The following DNAH1 variants were observed in gnomAD, a reference collection of about 807,000 sequenced individuals.
The protein encoded by DNAH1 is axonemal beta dynein heavy chain 1.
A neutral mutation model predicts 484.3 loss-of-function variants in DNAH1; 327 were observed. The observed-to-expected ratio is 0.68, with a 90% CI of 0.62 to 0.74. The LOEUF is 0.74. DNAH1 is among the 30% of genes least tolerant of loss of function. The pLI, the probability that DNAH1 is intolerant of heterozygous loss-of-function variation, is 0.00. For missense variants in DNAH1, 5,052 were observed against 5,546.8 expected (o/e 0.91, Z 2.83); for synonymous variants, 2,192 against 2,191.9 (o/e 1.00, Z 0.00).
intron 48 of DNAH1, among the ~76,000 whole-genome samples, chr3:52,380,505 C>G (rs1300529313): frequency 6.6e-6 from 1 of 152,178 alleles, no homozygotes; most frequent in Non-Finnish European, 1.5e-5. Context: ...AAGCAGGCCT[C>G]CTGACAGTTT....
Position 52,399,685 on chromosome 3 carries a change from G to A in DNAH1, c.12582G>A (p.Glu4194=). 1 of 1,614,044 alleles carries A rather than the reference G, an allele frequency of 6.2e-7. No individual in the cohort carries two copies. Among genetic ancestry groups the A allele is most frequent in the East Asian group, 2.2e-5 (1 of 44,892 alleles). ...AESQPKELYT[E]MAVIWLLPTP... is the part of the protein sequence containing the mutation. ...CTCAGCCCAAGGAGCTGTACACAGA[G>A]ATGGCCGTTATCTGGCTCTTGCCAA... The change falls in exon 77 of 78, where the codon GAG becomes GAA. Residue 4194 remains glutamate, a synonymous_variant. Coordinates refer to ENST00000420323, the MANE Select transcript of DNAH1 (RefSeq NM_015512.5).
Position 52,364,850 on chromosome 3 carries a change from G to T in DNAH1, c.5349G>T (p.Arg1783=). Residue 1783 remains arginine (R), a synonymous_variant, in exon 34 of 78, where the codon CGG becomes CGT. Coordinates refer to ENST00000420323, the MANE Select transcript of DNAH1 (RefSeq NM_015512.5). The surrounding 1 kb of genome is among the most constrained non-coding windows in gnomAD (Gnocchi z 4.2). ...PSMNEELICL[R]AIRDVNVPKF... ...TGCTGCAGGAGCTGATCTGCCTCCGGGCCATCCGTGATGTGAACGTGCCCA... is the reference window on the plus strand; with the variant it reads ...TGCTGCAGGAGCTGATCTGCCTCCGTGCCATCCGTGATGTGAACGTGCCCA... 2.5e-6 allele frequency: 4 copies of T among 1,613,792 alleles called. No individual in the cohort carries two copies. Among genetic ancestry groups the T allele is most frequent in the South Asian group, 1.1e-5 (1 of 91,076 alleles).
rs941445282 is a variant in DNAH1 at position 52,364,292 on chromosome 3, C to G, written c.5245-346C>G. On this transcript the variant is annotated intron_variant, in intron 32 of 77. Transcript: ENST00000420323. The surrounding 1 kb of genome is among the most constrained non-coding windows in gnomAD (Gnocchi z 4.2). The stretch of plus-strand genomic sequence containing the variant: ...AAGGAAGCTCAAGGGCCATCAAGGC[C>G]AAGCTGATTGTTGCACAGATGGGAA... Among the ~76,000 whole-genome samples the G allele has an allele frequency of 6.6e-6, 1 of 152,220 alleles. No homozygotes were observed. The highest frequency in any genetic ancestry group is 2.4e-5 in the African/African-American group (1 of 41,454).
At chr3:52,333,182 G>A (rs1176604302) in intron 8 of DNAH1, among the ~76,000 whole-genome samples, 3 of 152,108 alleles carry the variant, frequency 2.0e-5, no homozygotes, top group Admixed American at 1.3e-4. Flanking sequence ...CATCATGCCC[G>A]GCTGGAAGTT....
In DNAH1 at chr3:52,333,608, G is replaced by C. The variant is rs140389809; in HGVS notation, c.1286+1214G>C. Among the ~76,000 whole-genome samples the C allele has an allele frequency of 5.5e-4, 84 of 152,060 alleles. 1 individual carries two copies. In the East Asian group the frequency reaches 0.015, roughly 28 times the overall value. On this transcript the variant is annotated intron_variant, in intron 8 of 77. Transcript: ENST00000420323. ...TCACCATTTTGGCCAAGCTGGTCTC[G>C]AGCTCCCGACCTCAGGTAATCCACT... is the stretch of plus-strand genomic sequence containing the variant.
intron 20 of DNAH1, among the ~76,000 whole-genome samples, chr3:52,354,022 C>T (rs1702506160): frequency 6.6e-6 from 1 of 151,914 alleles, no homozygotes; most frequent in Non-Finnish European, 1.5e-5. Context: ...GGGAGACCCC[C>T]ATCTCTACAA....
Position 52,368,399 on chromosome 3 carries a change from C to G in DNAH1, c.5766-342C>G, listed in dbSNP as rs1703173294. ...CAGGACCTGGCCACTTCTCACCACG[C>G]TGCTTTCTCTGCCCTGTCATTTACC... is the stretch of plus-strand genomic sequence containing the variant. On this transcript the variant is annotated intron_variant, in intron 36 of 77. Coordinates refer to ENST00000420323, the MANE Select transcript of DNAH1 (RefSeq NM_015512.5). This position sits in a 1 kb window ranked among gnomAD's most constrained non-coding sequence, Gnocchi z 4.4. Among the ~76,000 whole-genome samples, 2 of 152,160 alleles carry G rather than the reference C, an allele frequency of 1.3e-5. No homozygotes were observed. Among genetic ancestry groups the G allele is most frequent in the Admixed American group, 1.3e-4 (2 of 15,272 alleles).
chr3:52,379,409 G>C lies in DNAH1; in HGVS notation c.7378-496G>C, dbSNP rs1466543310. Among the ~76,000 whole-genome samples the C allele has an allele frequency of 2.0e-5, 3 of 152,148 alleles. No homozygotes were observed. In the East Asian group the frequency reaches 5.8e-4, roughly 29 times the overall value. On this transcript the variant is annotated intron_variant, in intron 47 of 77. Coordinates refer to ENST00000420323, the MANE Select transcript of DNAH1 (RefSeq NM_015512.5). The surrounding 1 kb of genome is among the most constrained non-coding windows in gnomAD (Gnocchi z 4.4). ...CTGGGAGCTTCCGGAGGGCAGTCCT[G>C]CCACCCAGGGAGATGCAGGGAAGCT...
chr3:52,389,430 TG>T lies in DNAH1; in HGVS notation c.9496-27del, dbSNP rs34649791. On this transcript the variant is annotated intron_variant, in intron 59 of 77. Coordinates refer to ENST00000420323, the MANE Select transcript of DNAH1 (RefSeq NM_015512.5). ...TGGGAGGTCTCTGTGAGTGTCATGGTGGGGTGGTCCTGAGTCTGGCATCTCC... is the reference window on the plus strand; with the variant it reads ...TGGGAGGTCTCTGTGAGTGTCATGGTGGGTGGTCCTGAGTCTGGCATCTCC... The T allele has an allele frequency of 1.4e-5, 22 of 1,610,520 alleles. No individual in the cohort carries two copies. In the South Asian group the frequency reaches 1.7e-4, roughly 12 times the overall value.
intron 70 of DNAH1, 108 bp from the exon 71 acceptor site, chr3:52,396,260 G>C: frequency 3.2e-6 from 4 of 1,264,236 alleles, no homozygotes; most frequent in Non-Finnish European, 4.3e-6. Flanking sequence ...CCAGTTGTCT[G>C]TGCAGCCTCG....
At position 52,394,502 on chromosome 3, in the gene DNAH1, C is replaced by T. The variant is rs369548008; in HGVS notation, c.10664C>T (p.Ser3555Leu). 27 of 1,613,872 alleles carry T rather than the reference C, an allele frequency of 1.7e-5. No individual in the cohort carries two copies. The highest frequency in any genetic ancestry group is 4.0e-5 in the African/African-American group (3 of 74,930). The change falls in exon 67 of 78, where the codon TCG (serine) becomes TTG (leucine). Residue 3555 changes from serine to leucine, a missense_variant. By Grantham distance (145) the Ser-to-Leu change is moderately radical. Coordinates refer to ENST00000420323, the MANE Select transcript of DNAH1 (RefSeq NM_015512.5). ...TACCTCCTGTCTGGGGGCTCCATCT[C>T]GATCATGACTGAGAATCCGGCACCG... The part of the protein sequence containing the change: ...WRYLLSGGSI[S>L]IMTENPAPDW...
Position 52,382,372 on chromosome 3 carries a change from G to A in DNAH1, c.7858G>A (p.Glu2620Lys), listed in dbSNP as rs747582274. 49 of 1,613,884 alleles carry A rather than the reference G, an allele frequency of 3.0e-5. No individual in the cohort carries two copies. The highest frequency in any genetic ancestry group is 3.8e-5 in the Non-Finnish European group (45 of 1,179,894). Residue 2620 changes from glutamate (E) to lysine (K), a missense_variant, in exon 50 of 78, where the codon GAG (glutamate) becomes AAG (lysine). Physicochemically the swap from Glu to Lys is moderately conservative, Grantham distance 56 (BLOSUM62 1). Coordinates refer to ENST00000420323, the MANE Select transcript of DNAH1 (RefSeq NM_015512.5). ...ACTATCCAAGAACTACGGCATGTCC[G>A]AGTGGCGAGATGATGTGAAGAAGGT... ...IELSKNYGMS[E>K]WRDDVKKVLL...
Position 52,398,036 on chromosome 3 carries a change from T to G in DNAH1, c.11963T>G (p.Val3988Gly), listed in dbSNP as rs1233292183. 1 of 1,613,324 alleles carries G rather than the reference T, an allele frequency of 6.2e-7. No homozygotes were observed. Among genetic ancestry groups the G allele is most frequent in the Non-Finnish European group, 8.5e-7 (1 of 1,179,622 alleles). The change falls in exon 75 of 78, where the codon GTG becomes GGG. Residue 3988 changes from valine to glycine, a missense_variant. Coordinates refer to ENST00000420323, the MANE Select transcript of DNAH1 (RefSeq NM_015512.5). ...AGTATTCCTTTGCCCCTGCAGATAG[T>G]GGAGGACGTCACCCAAAACATTCTG... is the stretch of plus-strand genomic sequence containing the variant. ...SAGSQGREEI[V>G]EDVTQNILLK...
At chr3:52,340,734 C>T (rs1243098950) in intron 8 of DNAH1, among the ~76,000 whole-genome samples, 1 of 152,172 alleles carries the variant, frequency 6.6e-6, no homozygotes, top group Non-Finnish European at 1.5e-5. Flanking sequence ...TGTGCCCGGC[C>T]TCTGGTAGGA....
intron 37 of DNAH1, 136 bp from the exon 38 acceptor site, chr3:52,369,689 A>G: frequency 1.1e-6 from 1 of 925,614 alleles, no homozygotes. Flanking sequence ...TGTCCCACCC[A>G]GCACTGCCCC....
At chr3:52,339,370 C>A (rs551288588) in intron 8 of DNAH1, among the ~76,000 whole-genome samples, 5 of 152,108 alleles carry the variant, frequency 3.3e-5, no homozygotes, top group African/African-American at 1.2e-4. Flanking sequence ...ATTTCAGCTT[C>A]CTCCCCGTGA....
In DNAH1 at chr3:52,356,604, C is replaced by G. The variant is rs1387995957; in HGVS notation, c.3694-10C>G. The G allele has an allele frequency of 6.2e-7, 1 of 1,612,802 alleles. No individual in the cohort carries two copies. Among genetic ancestry groups the G allele is most frequent in the Non-Finnish European group, 8.5e-7 (1 of 1,179,808 alleles). Reference sequence around the variant, plus strand: ...CATATCACACCCCTCCCTGCCCCTCCCCTCCCCAGGAGGTTCTGGAGGAGT... The same window carrying G: ...CATATCACACCCCTCCCTGCCCCTCGCCTCCCCAGGAGGTTCTGGAGGAGT... On this transcript the variant is annotated splice_polypyrimidine_tract_variant and intron_variant, in intron 21 of 77. Transcript: ENST00000420323.
chr3:52,376,932 T>C (rs2153224971), intron 46 of DNAH1, among the ~76,000 whole-genome samples: 1 of 152,104 alleles, frequency 6.6e-6, no homozygotes, highest in South Asian at 2.1e-4. Flanking sequence ...AGACATCCCC[T>C]TCCTGCCACG....
intron 36 of DNAH1, among the ~76,000 whole-genome samples, chr3:52,367,891 A>G (rs1703153285): frequency 6.6e-6 from 1 of 152,252 alleles, no homozygotes; most frequent in South Asian, 2.1e-4. Flanking sequence ...TACTTTTTAA[A>G]GCATGCTGAG....
Sources: gnomAD v4.1 joint callset for allele counts (sites outside exome capture counted in the v4.1 genomes callset) on GRCh38, gnomAD v4.1.1 for gene constraint, Gnocchi (gnomAD v3.1) non-coding constraint, MANE v1.5 for transcripts, NCBI Gene and HGNC (gene_info 2026-07-23, HGNC 2026-07-21) for gene names.